RASSF3: variants seen among roughly 807,000 people sequenced by gnomAD.
RASSF3 encodes Ras association domain family member 3.
Under a neutral mutation model 19.9 loss-of-function variants are expected in RASSF3, and 19 were observed. That is an observed-to-expected ratio of 0.96 (90% CI 0.67 to 1.40). The LOEUF (loss-of-function observed/expected upper bound fraction) is 1.40. RASSF3 is among the 40% of genes most tolerant of loss of function. The pLI, the probability that RASSF3 is intolerant of heterozygous loss-of-function variation, is 0.00. For missense variants in RASSF3, 306 were observed against 289.8 expected (o/e 1.06, Z -0.41); for synonymous variants, 110 against 104.2 (o/e 1.06, Z -0.34).
chr12:64,581,241 T>C (rs556581624), intron 2 of RASSF3, among the ~76,000 whole-genome samples: 28 of 152,294 alleles, frequency 1.8e-4, no homozygotes, highest in African/African-American at 6.0e-4. Context: ...GACAGGTGAC[T>C]ATCTCTGTAG....
At chr12:64,637,431 T>C (rs1871361495) in intron 1 of RASSF3, among the ~76,000 whole-genome samples, 1 of 151,198 alleles carries the variant, frequency 6.6e-6, no homozygotes, top group African/African-American at 2.4e-5. Flanking sequence ...TTCTTTTTTT[T>C]TTTTTTTTTT....
intron 2 of RASSF3, among the ~76,000 whole-genome samples, chr12:64,565,523 G>A (rs1869414650): frequency 6.6e-6 from 1 of 152,156 alleles, no homozygotes. Flanking sequence ...GACTAGCCCG[G>A]CCAACATGGC....
intron 1 of RASSF3, among the ~76,000 whole-genome samples, chr12:64,674,579 TCAAA>T (rs1872814726): frequency 1.3e-5 from 2 of 152,184 alleles, no homozygotes; most frequent in African/African-American, 2.4e-5. Flanking sequence ...AGACCCTGTC[TCAAA>T]CAAACAAAAG....
chr12:64,576,205 A>C (rs1003159830), intron 2 of RASSF3, among the ~76,000 whole-genome samples: 1 of 152,214 alleles, frequency 6.6e-6, no homozygotes, highest in Non-Finnish European at 1.5e-5. Flanking sequence ...AAAATAAACA[A>C]ACCAAAGGAA....
chr12:64,546,366 G>C (rs1166635848), downstream of RASSF3, among the ~76,000 whole-genome samples: 1 of 152,080 alleles, frequency 6.6e-6, no homozygotes, highest in Non-Finnish European at 1.5e-5. Context: ...CGCCTCCCGG[G>C]TTCATGCCAT....
intron 2 of RASSF3, among the ~76,000 whole-genome samples, chr12:64,603,940 T>C (rs1013771751): frequency 2.0e-5 from 3 of 151,540 alleles, no homozygotes; most frequent in Admixed American, 1.3e-4. Context: ...GTCTGCCTCC[T>C]GGGTTCAAGC....
intron 1 of RASSF3, among the ~76,000 whole-genome samples, chr12:64,672,769 C>T (rs746598513): frequency 1.1e-4 from 16 of 152,296 alleles, no homozygotes; most frequent in East Asian, 3.9e-4. Context: ...CTCCTCCCTC[C>T]GCCTTCCAAA....
At chr12:64,636,133 C>G (rs75303724) in intron 1 of RASSF3, among the ~76,000 whole-genome samples, 1 of 136,508 alleles carries the variant, frequency 7.3e-6, no homozygotes, top group African/African-American at 2.7e-5. Flanking sequence ...TTTTTTTTTT[C>G]TGATATGGAG....
At chr12:64,678,389 C>T (rs1872984420) in intron 1 of RASSF3, among the ~76,000 whole-genome samples, 1 of 152,076 alleles carries the variant, frequency 6.6e-6, no homozygotes, top group South Asian at 2.1e-4. Context: ...ACCTGTTGGC[C>T]TGGGAAGTTC....
At position 64,691,570 on chromosome 12, in the gene RASSF3, A is replaced by G. The variant is rs764918866; in HGVS notation, c.558A>G (p.Glu186=). The G allele has an allele frequency of 1.9e-6, 3 of 1,603,026 alleles. No individual in the cohort carries two copies. The Admixed American group carries it at 5.0e-5, about 27-fold the overall frequency. ...TTAGTTTTGTTCTTCGTGAACATGA[A>G]ATTGGAGAGGTAAGTTATTGTTCAC... ...DTLSFVLREH[E]IGEWEAFSLP... Residue 186 remains glutamate, a synonymous_variant, in exon 4 of 5, where the codon GAA becomes GAG. Coordinates refer to ENST00000542104, the MANE Select transcript of RASSF3 (RefSeq NM_178169.4).
At chr12:64,645,522 T>C (rs901596796) in intron 1 of RASSF3, among the ~76,000 whole-genome samples, 1 of 152,046 alleles carries the variant, frequency 6.6e-6, no homozygotes, top group African/African-American at 2.4e-5. Context: ...TTTTAAATTA[T>C]AAAATTTTAA....
chr12:64,687,282 A>G (rs551220149), intron 2 of RASSF3, among the ~76,000 whole-genome samples: 1 of 152,238 alleles, frequency 6.6e-6, no homozygotes, highest in Middle Eastern at 3.4e-3. Flanking sequence ...GATTACAGAC[A>G]TGAGCCACTG....
At chr12:64,584,459 C>T (rs933593347) in intron 2 of RASSF3, among the ~76,000 whole-genome samples, 7 of 150,136 alleles carry the variant, frequency 4.7e-5, no homozygotes, top group African/African-American at 9.9e-5. Flanking sequence ...ACTTTTTATA[C>T]CCTTAAAGGT....
At chr12:64,615,494 G>A (rs1302307794) in intron 1 of RASSF3, among the ~76,000 whole-genome samples, 3 of 152,022 alleles carry the variant, frequency 2.0e-5, no homozygotes, top group Admixed American at 6.6e-5. Flanking sequence ...CACCCTTTCG[G>A]TTTTCTCTTT....
chr12:64,658,670 A>G (rs530439684), intron 1 of RASSF3, among the ~76,000 whole-genome samples: 44 of 152,258 alleles, frequency 2.9e-4, no homozygotes, highest in African/African-American at 1.0e-3. Flanking sequence ...GTATGGTGGC[A>G]TACACCTGTA....
intron 2 of RASSF3, among the ~76,000 whole-genome samples, chr12:64,550,389 G>T (rs755257126): frequency 2.0e-5 from 3 of 152,046 alleles, no homozygotes; most frequent in Non-Finnish European, 4.4e-5. Context: ...AAATAGCCAG[G>T]CACAGTGCCC....
At chr12:64,584,879 CTTTTT>C (rs34522445) in intron 2 of RASSF3, among the ~76,000 whole-genome samples, 3 of 80,800 alleles carry the variant, frequency 3.7e-5, no homozygotes, top group African/African-American at 1.5e-4. Flanking sequence ...CAGAAGGATT[CTTTTT>C]TTTTTTTTTT....
chr12:64,662,653 T>G (rs1872409908), intron 1 of RASSF3, among the ~76,000 whole-genome samples: 1 of 152,314 alleles, frequency 6.6e-6, no homozygotes, highest in Non-Finnish European at 1.5e-5. Flanking sequence ...GCTTCCATGG[T>G]CTCTGCGTGT....
intron 3 of RASSF3, among the ~76,000 whole-genome samples, chr12:64,689,327 A>G (rs1592473154): frequency 6.6e-6 from 1 of 151,974 alleles, no homozygotes; most frequent in Admixed American, 6.6e-5. Context: ...TAACCTTGAC[A>G]TGATAGTAAT....
Sources: gnomAD v4.1 joint callset for allele counts (sites outside exome capture counted in the v4.1 genomes callset) on GRCh38, gnomAD v4.1.1 for gene constraint, MANE v1.5 for transcripts, NCBI Gene and HGNC (gene_info 2026-07-23, HGNC 2026-07-21) for gene names.